MAPK10: variants seen among roughly 807,000 people sequenced by gnomAD.
MAPK10 encodes the protein mitogen-activated protein kinase 10, also known as JNK3 alpha protein kinase.
In MAPK10, 25 loss-of-function variants were observed where a neutral mutation model predicts 59.3. The ratio of observed to expected loss-of-function variants is 0.42; its 90% CI spans 0.31 to 0.59. The LOEUF (loss-of-function observed/expected upper bound fraction) is 0.59, where lower values mean the gene tolerates loss of function less well. Among genes scored for constraint, MAPK10 ranks in the 20% least tolerant of loss-of-function variants. MAPK10 has a pLI of 0.15. For synonymous variants in MAPK10, 190 were observed against 200.5 expected (o/e 0.95, Z 0.44); for missense variants, 351 against 568.9 (o/e 0.62, Z 3.90).
chr4:86,263,711 A>G (rs1344815809), intron 2 of MAPK10, among the ~76,000 whole-genome samples: 2 of 152,212 alleles, frequency 1.3e-5, no homozygotes, highest in African/African-American at 4.8e-5. Context: ...TAAGTTGACA[A>G]AACTCTCTGA....
intron 2 of MAPK10, among the ~76,000 whole-genome samples, chr4:86,332,254 G>A (rs762079660): frequency 7.2e-5 from 11 of 152,024 alleles, no homozygotes; most frequent in Middle Eastern, 3.2e-3. Context: ...AAATAAACTT[G>A]TTTGAAATAA....
At chr4:86,318,820 C>T (rs540224720) in intron 2 of MAPK10, among the ~76,000 whole-genome samples, 5 of 152,180 alleles carry the variant, frequency 3.3e-5, no homozygotes, top group African/African-American at 1.2e-4. Context: ...GGAAAGATCC[C>T]TAAGTAATCA....
At chr4:86,378,619 C>T (rs1205853712) in intron 1 of MAPK10, among the ~76,000 whole-genome samples, 2 of 152,194 alleles carry the variant, frequency 1.3e-5, no homozygotes, top group East Asian at 3.8e-4. Context: ...TACTAGAGTA[C>T]ATTATGTAAA....
At chr4:86,139,563 C>G (rs2063119236) in intron 4 of MAPK10, among the ~76,000 whole-genome samples, 1 of 152,010 alleles carries the variant, frequency 6.6e-6, no homozygotes, top group Non-Finnish European at 1.5e-5. Context: ...AACGTTAGAC[C>G]TAAAACCATA....
intron 2 of MAPK10, among the ~76,000 whole-genome samples, chr4:86,312,071 G>T (rs1018780024): frequency 6.6e-6 from 1 of 152,048 alleles, no homozygotes; most frequent in Non-Finnish European, 1.5e-5. Context: ...AGTACTATGT[G>T]CATTCTGTAC....
rs181276435 is a variant in MAPK10, at chr4:86,505,275, T to C, written c.-263+88635A>G. Reference sequence around the variant, plus strand: ...CATCATGCAATATGCCCATATAACCTGCCCATGTACCCCCTGAATCTAAAA... The same window carrying C: ...CATCATGCAATATGCCCATATAACCCGCCCATGTACCCCCTGAATCTAAAA... On this transcript the variant is annotated intron_variant, in intron 1 of 4. Transcript: ENST00000502302. Among the ~76,000 whole-genome samples the C allele has an allele frequency of 2.9e-3, 449 of 152,260 alleles. 6 individuals are homozygous for C. The highest frequency in any genetic ancestry group is 0.01 in the African/African-American group (436 of 41,562).
intron 3 of MAPK10, among the ~76,000 whole-genome samples, chr4:86,165,248 TG>T (rs1218694361): frequency 2.0e-5 from 3 of 152,200 alleles, no homozygotes; most frequent in Non-Finnish European, 4.4e-5. Flanking sequence ...CAGATTCAGT[TG>T]CTTCATGATA....
chr4:86,279,729 C>T (rs969120010), intron 2 of MAPK10, among the ~76,000 whole-genome samples: 1 of 152,030 alleles, frequency 6.6e-6, no homozygotes, highest in Non-Finnish European at 1.5e-5. Context: ...AATTTCGATT[C>T]CTGAAAGGAT....
intron 2 of MAPK10, among the ~76,000 whole-genome samples, chr4:86,216,291 A>G (rs1196975661): frequency 8.4e-6 from 1 of 118,550 alleles, no homozygotes. Flanking sequence ...ACATATATAT[A>G]TAGCATATAT....
At chr4:86,198,575 C>T (rs185719549) in intron 2 of MAPK10, among the ~76,000 whole-genome samples, 5 of 151,976 alleles carry the variant, frequency 3.3e-5, no homozygotes, top group East Asian at 1.9e-4. Context: ...TCCTACCTCA[C>T]GTTGTACACA....
At chr4:86,230,461 A>G (rs2091377294) in intron 2 of MAPK10, among the ~76,000 whole-genome samples, 1 of 152,236 alleles carries the variant, frequency 6.6e-6, no homozygotes, top group Non-Finnish European at 1.5e-5. Flanking sequence ...AATTTTAAAA[A>G]TAGACTATCT....
At chr4:86,228,380 A>T (rs750959126) in intron 2 of MAPK10, among the ~76,000 whole-genome samples, 3 of 152,216 alleles carry the variant, frequency 2.0e-5, no homozygotes, top group African/African-American at 7.2e-5. Context: ...AATCAAGGTC[A>T]CAGAAAAAAC....
chr4:86,324,426 A>T lies in MAPK10; in HGVS notation c.-7+30104T>A, dbSNP rs1218109088. The stretch of plus-strand genomic sequence containing the variant: ...GGGAAACTCCACCTCAAAAAAATAA[A>T]AAAAAAAAAGATCTGTAATCTGTTT... On this transcript the variant is annotated intron_variant, in intron 2 of 13. Coordinates refer to ENST00000641462, the MANE Select transcript of MAPK10 (RefSeq NM_138982.4). Among the ~76,000 whole-genome samples, 3 of 152,106 alleles carry T rather than the reference A, an allele frequency of 2.0e-5. No individual in the cohort carries two copies. In the South Asian group the frequency reaches 6.2e-4, roughly 32 times the overall value.
chr4:86,444,810 T>TA (rs1207954686), intron 1 of MAPK10, among the ~76,000 whole-genome samples: 1 of 150,136 alleles, frequency 6.7e-6, no homozygotes, highest in Non-Finnish European at 1.5e-5. Context: ...AACAAATATA[T>TA]AAAAAAAGAG....
At chr4:86,215,363 G>T (rs747397108) in intron 2 of MAPK10, among the ~76,000 whole-genome samples, 1 of 152,056 alleles carries the variant, frequency 6.6e-6, no homozygotes, top group Non-Finnish European at 1.5e-5. Context: ...TGATTTCTTG[G>T]ATATAACATG....
At chr4:86,210,540 G>T (rs1209246873) in intron 2 of MAPK10, among the ~76,000 whole-genome samples, 1 of 151,948 alleles carries the variant, frequency 6.6e-6, no homozygotes, top group East Asian at 1.9e-4. Flanking sequence ...AAGGATAAAT[G>T]CTTGAGGTGA....
At chr4:86,372,798 C>T (rs1427699223) in intron 1 of MAPK10, among the ~76,000 whole-genome samples, 1 of 152,128 alleles carries the variant, frequency 6.6e-6, no homozygotes, top group Non-Finnish European at 1.5e-5. Flanking sequence ...TAAATGCCCA[C>T]ATCAGAAGGT....
At chr4:86,178,326 T>C (rs535682807) in intron 3 of MAPK10, among the ~76,000 whole-genome samples, 5 of 152,160 alleles carry the variant, frequency 3.3e-5, no homozygotes, top group African/African-American at 1.2e-4. Flanking sequence ...TGAGGGGTTT[T>C]GGTTGGTTGG....
chr4:86,190,438 A>G (rs1309318841), intron 3 of MAPK10, among the ~76,000 whole-genome samples: 3 of 152,126 alleles, frequency 2.0e-5, no homozygotes, highest in Non-Finnish European at 4.4e-5. Flanking sequence ...TTATTGGTCT[A>G]TTCAGGGATT....
Sources: allele counts gnomAD v4.1 joint callset (sites outside exome capture counted in the v4.1 genomes callset), GRCh38; gene constraint gnomAD v4.1.1; transcripts MANE v1.5; gene names NCBI Gene and HGNC (gene_info 2026-07-23, HGNC 2026-07-21).